Variants in PTCD2 observed in about 807,000 individuals in gnomAD.
The protein encoded by PTCD2 is pentatricopeptide repeat domain 2.
PTCD2 carries 31 observed loss-of-function variants against 42.6 expected under a neutral mutation model. The observed-to-expected ratio is 0.73, with a 90% CI of 0.55 to 0.98. PTCD2 has a LOEUF of 0.98. Ranked by LOEUF, PTCD2 falls within the 50% of genes least tolerant of loss-of-function variation. The pLI, the probability that PTCD2 is intolerant of heterozygous loss-of-function variation, is 0.00. For missense variants in PTCD2, 476 were observed against 454.8 expected (o/e 1.05, Z -0.42); for synonymous variants, 183 against 170.9 (o/e 1.07, Z -0.55).
In PTCD2 at chr5:72,360,667, A is replaced by G. The variant is rs1352804061; in HGVS notation, c.*2240A>G. On this transcript the variant is annotated 3_prime_UTR_variant, in exon 10 of 10. Coordinates refer to ENST00000380639, the MANE Select transcript of PTCD2 (RefSeq NM_024754.5). ...AAGCAGTAGTTTGCCTACATCATTT[A>G]CTTGTTTTTTTCTGCTTTGGGGTTT... 4.0e-5 allele frequency: 6 copies of G among 150,996 alleles called. No individual in the cohort carries two copies. Among genetic ancestry groups the G allele is most frequent in the Non-Finnish European group, 8.9e-5 (6 of 67,780 alleles). The allele number at this position is 150,996 out of a possible 1,614,324, so 9.4% of individuals were successfully genotyped here.
At chr5:72,327,225 A>G (rs1237209826) in intron 3 of PTCD2, among the ~76,000 whole-genome samples, 1 of 152,050 alleles carries the variant, frequency 6.6e-6, no homozygotes, top group African/African-American at 2.4e-5. Context: ...GCAGTGTCTT[A>G]GTTCACGCTT....
At chr5:72,331,202 T>C in intron 3 of PTCD2, 56 bp from the exon 4 acceptor site, 1 of 1,106,898 alleles carries the variant, frequency 9.0e-7, no homozygotes, top group South Asian at 1.2e-5. Context: ...ATAGTCTGTG[T>C]CTGTCCTTTT....
intron 9 of PTCD2, among the ~76,000 whole-genome samples, chr5:72,353,863 A>C (rs1185436346): frequency 6.6e-6 from 1 of 152,244 alleles, no homozygotes; most frequent in African/African-American, 2.4e-5. Context: ...ATGGATGAGA[A>C]TTTAAATTTT....
chr5:72,352,405 C>T lies in PTCD2; in HGVS notation c.829-236C>T, dbSNP rs149297807. ...TCGTGATCTGCCCACCTTGGCCTCC[C>T]AAAGTGCTGGGATTACAGGCAAAGT... On this transcript the variant is annotated intron_variant, in intron 8 of 9. Coordinates refer to ENST00000380639, the MANE Select transcript of PTCD2 (RefSeq NM_024754.5). 3.6e-3 allele frequency among the ~76,000 whole-genome samples: 547 copies of T among 152,310 alleles called. 1 individual carries two copies. Among genetic ancestry groups the T allele is most frequent in the African/African-American group, 0.013 (531 of 41,556 alleles).
rs1473502635 is a variant in PTCD2 at position 72,367,198 on chromosome 5, T to A, written c.*8771T>A. ...ATTTATCACTGCCCATCTCTAAGAA[T>A]AGGTCAAAGATGAAATTCCCATTAT... is the stretch of plus-strand genomic sequence containing the variant. On this transcript the variant is annotated 3_prime_UTR_variant, in exon 10 of 10. Transcript: ENST00000380639. The A allele has an allele frequency of 1.3e-5, 2 of 152,198 alleles. No homozygotes were observed. The highest frequency in any genetic ancestry group is 2.4e-5 in the African/African-American group (1 of 41,448). The allele number at this position is 152,198 out of a possible 1,614,324, so 9.4% of individuals were successfully genotyped here. A position where few individuals can be genotyped will look rare whatever the true frequency, so the allele number is the denominator to read the frequency against.
rs138402787 is a variant in PTCD2, at chr5:72,364,582, T to A, written c.*6155T>A. ...CATATTATTTATACATCTAATGAGG[T>A]CTTAATATTTTTTGAAAGAGTGATT... On this transcript the variant is annotated 3_prime_UTR_variant, in exon 10 of 10. Coordinates refer to ENST00000380639, the MANE Select transcript of PTCD2 (RefSeq NM_024754.5). 1 of 152,236 alleles carries A rather than the reference T, an allele frequency of 6.6e-6. No individual in the cohort carries two copies. Among genetic ancestry groups the A allele is most frequent in the East Asian group, 1.9e-4 (1 of 5,186 alleles). 9.4% of individuals were successfully genotyped at this position (152,236 alleles called of 1,614,324 possible). A position where few individuals can be genotyped will look rare whatever the true frequency, so the allele number is the denominator to read the frequency against.
chr5:72,331,453 A>C, intron 4 of PTCD2, 78 bp downstream of exon 4: 1 of 1,014,202 alleles, frequency 9.9e-7, no homozygotes, highest in East Asian at 2.4e-5. Flanking sequence ...TTCTATGTAC[A>C]TTATTCCTGG....
intron 4 of PTCD2, among the ~76,000 whole-genome samples, chr5:72,332,241 A>G (rs1187296320): frequency 6.6e-6 from 1 of 152,198 alleles, no homozygotes; most frequent in African/African-American, 2.4e-5. Flanking sequence ...TTCTCTGTAC[A>G]TGGTGGGCAT....
At position 72,358,596 on chromosome 5, in the gene PTCD2, T is replaced by G. The variant is rs755094333; in HGVS notation, c.*169T>G. 14 of 614,708 alleles carry G rather than the reference T, an allele frequency of 2.3e-5. No homozygotes were observed. Among genetic ancestry groups the G allele is most frequent in the Non-Finnish European group, 2.9e-6 (1 of 346,304 alleles). The allele number at this position is 614,708 out of a possible 1,614,324, so 38.1% of individuals were successfully genotyped here. On this transcript the variant is annotated 3_prime_UTR_variant, in exon 10 of 10. Transcript: ENST00000380639. ...CCATGCCGATCTCTGAGAAGTTATGTTGCACCACTGTGAAGGTCTAGATGC... is the reference window on the plus strand; with the variant it reads ...CCATGCCGATCTCTGAGAAGTTATGGTGCACCACTGTGAAGGTCTAGATGC...
chr5:72,355,651 A>C (rs1023955792), intron 9 of PTCD2, among the ~76,000 whole-genome samples: 3 of 152,230 alleles, frequency 2.0e-5, no homozygotes, highest in Non-Finnish European at 4.4e-5. Context: ...GCTTAAGTAC[A>C]CAAATTGGAA....
rs1753206090 is a variant in PTCD2, at chr5:72,366,371, A to G, written c.*7944A>G. ...GAGACGTTTAGTTGCTTGCCTGTGG[A>G]TATAACACTAGAGAGCGGGAGAGCA... On this transcript the variant is annotated 3_prime_UTR_variant, in exon 10 of 10. Transcript: ENST00000380639. The G allele has an allele frequency of 6.6e-6, 1 of 152,186 alleles. No homozygotes were observed. Among genetic ancestry groups the G allele is most frequent in the South Asian group, 2.1e-4 (1 of 4,820 alleles). 9.4% of individuals were successfully genotyped at this position (152,186 alleles called of 1,614,324 possible).
At chr5:72,333,083 G>C (rs1751527008) in intron 4 of PTCD2, among the ~76,000 whole-genome samples, 1 of 151,996 alleles carries the variant, frequency 6.6e-6, no homozygotes, top group Admixed American at 6.6e-5. Context: ...CATTGGCTGG[G>C]GCTGCTCTGG....
At chr5:72,349,188 C>G (rs1048076612) in intron 8 of PTCD2, among the ~76,000 whole-genome samples, 1 of 152,190 alleles carries the variant, frequency 6.6e-6, no homozygotes, top group African/African-American at 2.4e-5. Context: ...ATCTTTAACA[C>G]GTGACTTCCA....
At chr5:72,335,717 G>A (rs1751701636) in intron 5 of PTCD2, 77 bp from the exon 6 acceptor site, 4 of 871,392 alleles carry the variant, frequency 4.6e-6, no homozygotes, top group Non-Finnish European at 7.7e-6. Flanking sequence ...TCTGTAGATG[G>A]TGCTGAACAG....
chr5:72,331,234 T>C, intron 3 of PTCD2, 24 bp from the exon 4 acceptor site: 3 of 1,456,938 alleles, frequency 2.1e-6, no homozygotes, highest in Non-Finnish European at 2.9e-6. Flanking sequence ...ACCTTTTGGC[T>C]CATTGAATCA....
chr5:72,347,080 T>C (rs1752394825), intron 8 of PTCD2, among the ~76,000 whole-genome samples: 1 of 152,176 alleles, frequency 6.6e-6, no homozygotes. Flanking sequence ...ACATTATAGA[T>C]GTGGAAAATG....
intron 8 of PTCD2, among the ~76,000 whole-genome samples, chr5:72,351,093 G>A (rs565947020): frequency 6.6e-5 from 10 of 152,172 alleles, no homozygotes; most frequent in Admixed American, 1.3e-4. Flanking sequence ...CAAATTTTGG[G>A]GATAAGTTAA....
chr5:72,355,060 TA>T (rs148410916), intron 9 of PTCD2, among the ~76,000 whole-genome samples: 13 of 152,162 alleles, frequency 8.5e-5, no homozygotes, highest in Admixed American at 2.6e-4. Flanking sequence ...AACACTACGA[TA>T]AAAAAAACAA....
chr5:72,352,736 T>A lies in PTCD2; in HGVS notation c.924T>A (p.His308Gln). 1 of 1,582,050 alleles carries A rather than the reference T, an allele frequency of 6.3e-7. No individual in the cohort carries two copies. Among genetic ancestry groups the A allele is most frequent in the Non-Finnish European group, 8.7e-7 (1 of 1,151,106 alleles). Residue 308 changes from histidine (H) to glutamine (Q), a missense_variant, in exon 9 of 10, where the codon CAT (histidine) becomes CAA (glutamine). By Grantham distance (24) the His-to-Gln change is conservative (BLOSUM62 0). Transcript: ENST00000380639. ...EGNLSKFVKRHVFSEEVLAKV... is the reference protein window; with the variant it reads ...EGNLSKFVKRQVFSEEVLAKV... ...ATTTATCAAAATTTGTGAAAAGACA[T>A]GTGTTCTCGGAGGAAGTGGTGAGTA...
Sources: allele counts gnomAD v4.1 joint callset (sites outside exome capture counted in the v4.1 genomes callset), GRCh38; gene constraint gnomAD v4.1.1; transcripts MANE v1.5; gene names NCBI Gene and HGNC (gene_info 2026-07-23, HGNC 2026-07-21).